The following ELAVL2 variants were observed in gnomAD, a reference collection of about 807,000 sequenced individuals.
ELAVL2 encodes the protein ELAV like RNA binding protein 2, also known as ELAV-like protein 2.
A neutral mutation model predicts 34.6 loss-of-function variants in ELAVL2; 4 were observed. The ratio of observed to expected loss-of-function variants is 0.12; its 90% CI spans 0.06 to 0.26. ELAVL2 has a LOEUF of 0.26. Ranked by LOEUF, ELAVL2 falls within the 10% of genes least tolerant of loss-of-function variation. The pLI is 1.00. For missense variants in ELAVL2, 432 were observed against 442.8 expected, an observed-to-expected ratio of 0.98 and a Z score of 0.22; for synonymous variants, 193 against 154.8, an observed-to-expected ratio of 1.25 and a Z score of -1.83.
chr9:23,741,069 A>C (rs555483702), intron 2 of ELAVL2, among the ~76,000 whole-genome samples: 1 of 152,232 alleles, frequency 6.6e-6, no homozygotes, highest in Non-Finnish European at 1.5e-5. Flanking sequence ...CATAAAGTGC[A>C]TCGCAGGGGT....
rs199637833 is a variant in ELAVL2, at chr9:23,699,812, G to GTTT, written c.713+1564_713+1566dup. 1.4e-3 allele frequency among the ~76,000 whole-genome samples: 117 copies of GTTT among 82,970 alleles called. 15 individuals carry two copies. The highest frequency in any genetic ancestry group is 0.012 in the East Asian group (26 of 2,234). 54.4% of individuals were successfully genotyped at this position (82,970 alleles called of 152,430 possible). ...CCATGGGAAGTCAAAGGTGGCAAAG[G>GTTT]TTTTTTTTTTTTTTTTTTTTTTTTT... On this transcript the variant is annotated intron_variant, in intron 5 of 6. Coordinates refer to ENST00000397312, the MANE Select transcript of ELAVL2 (RefSeq NM_004432.5).
the ELAVL2 span, among the ~76,000 whole-genome samples, chr9:23,840,884 T>A: frequency 2.6e-5 from 4 of 152,140 alleles, no homozygotes; most frequent in African/African-American, 9.7e-5. Flanking sequence ...TGCACTCTCC[T>A]CAATGACAGA....
intron 1 of ELAVL2, among the ~76,000 whole-genome samples, chr9:23,797,582 A>G (rs1308053329): frequency 6.6e-6 from 1 of 152,228 alleles, no homozygotes; most frequent in Non-Finnish European, 1.5e-5. Flanking sequence ...GATTTTTTAA[A>G]GGACACCAGG....
At chr9:23,804,015 A>G (rs1162432101) in intron 1 of ELAVL2, among the ~76,000 whole-genome samples, 2 of 152,196 alleles carry the variant, frequency 1.3e-5, no homozygotes, top group Non-Finnish European at 2.9e-5. Flanking sequence ...ATGTAGGAAA[A>G]GTGCAAATCT....
At chr9:23,809,287 T>A (rs1044518428) in intron 1 of ELAVL2, among the ~76,000 whole-genome samples, 1 of 152,090 alleles carries the variant, frequency 6.6e-6, no homozygotes, top group Non-Finnish European at 1.5e-5. Context: ...ATATTTATAC[T>A]CTAGGAAGAG....
At chr9:23,760,484 AAAAAC>A (rs764265239) in intron 2 of ELAVL2, among the ~76,000 whole-genome samples, 66 of 152,180 alleles carry the variant, frequency 4.3e-4, no homozygotes, top group Non-Finnish European at 8.1e-4. Flanking sequence ...GTTTTACTTT[AAAAAC>A]AAAAGATAAC....
intron 1 of ELAVL2, among the ~76,000 whole-genome samples, chr9:23,782,868 G>A (rs891606332): frequency 5.3e-5 from 8 of 152,130 alleles, no homozygotes; most frequent in Admixed American, 1.3e-4. Context: ...TGGAGACCCC[G>A]GGGCACAAGA....
chr9:23,742,339 T>C (rs2049416639), intron 2 of ELAVL2, among the ~76,000 whole-genome samples: 1 of 152,144 alleles, frequency 6.6e-6, no homozygotes, highest in African/African-American at 2.4e-5. Flanking sequence ...CCACAGTAAA[T>C]GGGGAAAAAC....
rs567371085 is a variant in ELAVL2, at chr9:23,697,822, G to C, written c.713+3557C>G. 1.2e-4 allele frequency among the ~76,000 whole-genome samples: 18 copies of C among 152,208 alleles called. No individual in the cohort carries two copies. The South Asian group carries it at 3.7e-3, about 32-fold the overall frequency. ...GTCAGAAATAAAAATAGGAAGATAA[G>C]TTATTGATGGGTAAGAAAATATACT... On this transcript the variant is annotated intron_variant, in intron 5 of 6. Transcript: ENST00000397312.
intron 1 of ELAVL2, chr9:23,779,243 C>G: frequency 2.0e-6 from 2 of 985,406 alleles, no homozygotes; most frequent in South Asian, 4.7e-5. Context: ...TTACTTCACA[C>G]TTTTTCTGCT....
chr9:23,838,643 T>C, the ELAVL2 span, among the ~76,000 whole-genome samples: 1 of 152,312 alleles, frequency 6.6e-6, no homozygotes, highest in East Asian at 1.9e-4. Context: ...CCTTACTGAC[T>C]ATCTGTATTA....
intron 2 of ELAVL2, among the ~76,000 whole-genome samples, chr9:23,740,412 C>T (rs982623676): frequency 6.6e-6 from 1 of 152,178 alleles, no homozygotes; most frequent in African/African-American, 2.4e-5. Flanking sequence ...GCTGGGTTTC[C>T]ACACTACAAT....
rs1563882549 is a variant in ELAVL2 at position 23,692,515 on chromosome 9, T to A, written c.*42A>T. 2 of 1,560,796 alleles carry A rather than the reference T, an allele frequency of 1.3e-6. No homozygotes were observed. The highest frequency in any genetic ancestry group is 1.7e-6 in the Non-Finnish European group (2 of 1,153,044). Reference sequence around the variant, plus strand: ...AAAGTTTCTCTTAACTTGCCTTTGTTGTATAGTTTTCATATATAAATGGAC... The same window carrying A: ...AAAGTTTCTCTTAACTTGCCTTTGTAGTATAGTTTTCATATATAAATGGAC... On this transcript the variant is annotated 3_prime_UTR_variant, in exon 7 of 7. Transcript: ENST00000397312.
At chr9:23,712,697 C>T (rs766981840) in intron 3 of ELAVL2, among the ~76,000 whole-genome samples, 8 of 152,276 alleles carry the variant, frequency 5.3e-5, no homozygotes, top group Non-Finnish European at 1.0e-4. Context: ...AGAATGGCAA[C>T]TGGCTGTTTA....
chr9:23,753,432 A>C (rs1463808506), intron 2 of ELAVL2, among the ~76,000 whole-genome samples: 1 of 152,162 alleles, frequency 6.6e-6, no homozygotes, highest in Non-Finnish European at 1.5e-5. Context: ...AGTTAAAAAA[A>C]AAATAAAAGG....
At chr9:23,722,140 G>C (rs1424421068) in intron 3 of ELAVL2, among the ~76,000 whole-genome samples, 1 of 152,146 alleles carries the variant, frequency 6.6e-6, no homozygotes, top group Non-Finnish European at 1.5e-5. Flanking sequence ...GATAGGAATG[G>C]CTGGCAGAAG....
At chr9:23,788,209 A>G (rs1001291638) in intron 1 of ELAVL2, among the ~76,000 whole-genome samples, 4 of 152,198 alleles carry the variant, frequency 2.6e-5, no homozygotes, top group African/African-American at 9.7e-5. Context: ...AAAATATAAC[A>G]AGTGAGTGAC....
chr9:23,756,852 G>T (rs1483156149), intron 2 of ELAVL2, among the ~76,000 whole-genome samples: 1 of 152,040 alleles, frequency 6.6e-6, no homozygotes, highest in African/African-American at 2.4e-5. Context: ...CCTAGCTAAC[G>T]AGTACCTTCC....
chr9:23,809,070 C>T (rs1002572631), intron 1 of ELAVL2, among the ~76,000 whole-genome samples: 1 of 152,160 alleles, frequency 6.6e-6, no homozygotes, highest in Non-Finnish European at 1.5e-5. Context: ...TGAGCTTTCA[C>T]CCTCAACAAT....
Sources: gnomAD v4.1 joint callset for allele counts (sites outside exome capture counted in the v4.1 genomes callset) on GRCh38, gnomAD v4.1.1 for gene constraint, MANE v1.5 for transcripts, NCBI Gene and HGNC (gene_info 2026-07-23, HGNC 2026-07-21) for gene names.